PRKN: variants seen among roughly 807,000 people sequenced by gnomAD.
PRKN encodes E3 ubiquitin-protein ligase parkin.
In PRKN, 56 loss-of-function variants were observed where a neutral mutation model predicts 59.5. That is an observed-to-expected ratio of 0.94 (90% CI 0.76 to 1.18). The LOEUF is 1.18. Among genes scored for constraint, PRKN ranks in the 50% most tolerant of loss-of-function variants. PRKN has a pLI of 0.00. For synonymous variants in PRKN, 250 were observed against 222.1 expected (o/e 1.13, Z -1.12); for missense variants, 657 against 596.4 (o/e 1.10, Z -1.06).
intron 1 of PRKN, among the ~76,000 whole-genome samples, chr6:162,476,139 C>A (rs980617399): frequency 5.3e-5 from 8 of 149,832 alleles, no homozygotes; most frequent in African/African-American, 2.0e-4. Flanking sequence ...CTCACTGCAA[C>A]CTCCGCCTCT....
intron 7 of PRKN, among the ~76,000 whole-genome samples, chr6:161,599,361 G>C (rs1005957978): frequency 1.3e-5 from 2 of 152,196 alleles, no homozygotes; most frequent in African/African-American, 4.8e-5. Flanking sequence ...GGAGGAGACA[G>C]ATCAAAGGAG....
At chr6:162,474,845 G>A (rs558584019) in intron 1 of PRKN, among the ~76,000 whole-genome samples, 1 of 152,106 alleles carries the variant, frequency 6.6e-6, no homozygotes, top group East Asian at 1.9e-4. Context: ...AGGCTTTGGG[G>A]TATAGGCAGG....
chr6:161,699,324 C>T (rs1487784582), intron 7 of PRKN, among the ~76,000 whole-genome samples: 1 of 152,142 alleles, frequency 6.6e-6, no homozygotes, highest in Non-Finnish European at 1.5e-5. Context: ...CCAAATGGCC[C>T]AGTTATTCCA....
At chr6:162,104,653 C>T (rs1331858073) in intron 4 of PRKN, among the ~76,000 whole-genome samples, 1 of 152,128 alleles carries the variant, frequency 6.6e-6, no homozygotes, top group African/African-American at 2.4e-5. Context: ...CAGGCGTGGA[C>T]TCTGGGATTC....
intron 2 of PRKN, among the ~76,000 whole-genome samples, chr6:162,415,311 T>C (rs545337440): frequency 2.6e-5 from 4 of 152,230 alleles, no homozygotes; most frequent in African/African-American, 7.2e-5. Flanking sequence ...GAAGACACAA[T>C]GTGGCACCGA....
intron 1 of PRKN, among the ~76,000 whole-genome samples, chr6:162,505,193 T>G (rs527535604): frequency 6.6e-6 from 1 of 152,340 alleles, no homozygotes; most frequent in South Asian, 2.1e-4. Flanking sequence ...TTCGTACCTA[T>G]GTTCTAGGGG....
rs1790134263 is a variant in PRKN, at chr6:161,460,032, A to T, written c.1084-73155T>A. Among the ~76,000 whole-genome samples, 1 of 152,206 alleles carries T rather than the reference A, an allele frequency of 6.6e-6. No homozygotes were observed. Among genetic ancestry groups the T allele is most frequent in the South Asian group, 2.1e-4 (1 of 4,834 alleles). Reference sequence around the variant, plus strand: ...CATCCATCAGTCCATCCATCCATCCATTCATCCAACCATTCAACTTTTAAT... The same window carrying T: ...CATCCATCAGTCCATCCATCCATCCTTTCATCCAACCATTCAACTTTTAAT... On this transcript the variant is annotated intron_variant, in intron 9 of 11. Coordinates refer to ENST00000366898, the MANE Select transcript of PRKN (RefSeq NM_004562.3). The surrounding 1 kb of genome is among the most constrained non-coding windows in gnomAD (Gnocchi z 5.0).
intron 7 of PRKN, among the ~76,000 whole-genome samples, chr6:161,673,854 T>C (rs138508665): frequency 7.3e-4 from 111 of 152,278 alleles, no homozygotes; most frequent in African/African-American, 2.6e-3. Flanking sequence ...AGATGATGCT[T>C]GTGTCCATTT....
At chr6:162,442,494 G>A (rs1355881563) in intron 2 of PRKN, among the ~76,000 whole-genome samples, 3 of 152,070 alleles carry the variant, frequency 2.0e-5, no homozygotes, top group Admixed American at 2.0e-4. Context: ...AACAAAGGAC[G>A]GGTCTCTAGT....
chr6:162,572,817 C>A (rs534355981), intron 1 of PRKN, among the ~76,000 whole-genome samples: 16 of 152,094 alleles, frequency 1.1e-4, no homozygotes, highest in Non-Finnish European at 1.6e-4. Context: ...AATTTAGGTT[C>A]CTGTGGCTGT....
At chr6:161,615,480 A>G (rs1782658651) in intron 7 of PRKN, among the ~76,000 whole-genome samples, 1 of 152,238 alleles carries the variant, frequency 6.6e-6, no homozygotes, top group African/African-American at 2.4e-5. Context: ...AGCTAGGAAA[A>G]AACAGCAGAG....
chr6:162,391,352 C>T (rs1429392812), intron 2 of PRKN, among the ~76,000 whole-genome samples: 3 of 151,520 alleles, frequency 2.0e-5, no homozygotes, highest in Non-Finnish European at 4.4e-5. Flanking sequence ...GCAATGACTT[C>T]CTCCTGGAAG....
chr6:162,317,001 A>C (rs962554948), intron 2 of PRKN, among the ~76,000 whole-genome samples: 2 of 151,730 alleles, frequency 1.3e-5, no homozygotes, highest in South Asian at 4.2e-4. Flanking sequence ...TTAAACAGTT[A>C]AGATTCAAGT....
At chr6:161,449,956 G>T (rs903939031) in intron 9 of PRKN, among the ~76,000 whole-genome samples, 3 of 152,136 alleles carry the variant, frequency 2.0e-5, no homozygotes, top group Non-Finnish European at 1.5e-5. Flanking sequence ...AACGGTGCCT[G>T]CCTCTTTGCT....
At chr6:161,750,954 TA>T in intron 7 of PRKN, among the ~76,000 whole-genome samples, 1 of 152,228 alleles carries the variant, frequency 6.6e-6, no homozygotes, top group East Asian at 1.9e-4. Flanking sequence ...CAATGTGGAA[TA>T]GAAAGAAAAT....
At chr6:161,658,214 TC>T (rs1156714595) in intron 7 of PRKN, among the ~76,000 whole-genome samples, 1 of 150,666 alleles carries the variant, frequency 6.6e-6, no homozygotes, top group Non-Finnish European at 1.5e-5. Context: ...TATTTTTTTT[TC>T]AGAAATGCAA....
intron 9 of PRKN, among the ~76,000 whole-genome samples, chr6:161,521,205 T>C (rs1778808103): frequency 1.0e-5 from 1 of 96,100 alleles, no homozygotes; most frequent in East Asian, 2.8e-4. Flanking sequence ...CTCAAGAAAA[T>C]GAAGAATAAG....
chr6:162,072,166 T>C (rs757766519), intron 4 of PRKN, among the ~76,000 whole-genome samples: 2 of 152,068 alleles, frequency 1.3e-5, no homozygotes, highest in African/African-American at 4.8e-5. Flanking sequence ...CTCACGCCTG[T>C]AATCCCAGTT....
intron 2 of PRKN, among the ~76,000 whole-genome samples, chr6:162,326,206 A>G (rs368025966): frequency 1.3e-4 from 20 of 152,304 alleles, no homozygotes; most frequent in Middle Eastern, 3.4e-3. Flanking sequence ...AATAATAGTT[A>G]TGTTAGAAGA....
Sources: allele counts gnomAD v4.1 joint callset (sites outside exome capture counted in the v4.1 genomes callset), GRCh38; gene constraint gnomAD v4.1.1; non-coding constraint Gnocchi (gnomAD v3.1); transcripts MANE v1.5; gene names NCBI Gene and HGNC (gene_info 2026-07-23, HGNC 2026-07-21).